Variants in TLE4 observed in about 807,000 individuals in gnomAD.
TLE4 encodes TLE family member 4, transcriptional corepressor.
Under a neutral mutation model 92.8 loss-of-function variants are expected in TLE4, and 8 were observed. The ratio of observed to expected loss-of-function variants is 0.09; its 90% confidence interval spans 0.05 to 0.16. The LOEUF is 0.16. TLE4 is among the 10% of genes least tolerant of loss of function. The pLI is 1.00. For synonymous variants in TLE4, 371 were observed against 374.1 expected (o/e 0.99, Z 0.10); for missense variants, 675 against 997.6 (o/e 0.68, Z 4.36).
chr9:79,710,802 C>T (rs1285057432), intron 14 of TLE4, among the ~76,000 whole-genome samples: 3 of 152,040 alleles, frequency 2.0e-5, no homozygotes, highest in Non-Finnish European at 4.4e-5. Flanking sequence ...CATTATCTGC[C>T]TCTCCCTCTT....
intron 6 of TLE4, among the ~76,000 whole-genome samples, chr9:79,644,440 T>G (rs2057751388): frequency 6.6e-6 from 1 of 152,188 alleles, no homozygotes; most frequent in African/African-American, 2.4e-5. Flanking sequence ...ATACAATTCT[T>G]CCAGCAACCT....
intron 6 of TLE4, chr9:79,627,661 A>G: frequency 1.7e-6 from 1 of 585,580 alleles, no homozygotes; most frequent in South Asian, 2.1e-5. Flanking sequence ...TGTGTTCATG[A>G]AAACTCTCCT....
chr9:79,619,512 T>G (rs2050442197), intron 5 of TLE4, among the ~76,000 whole-genome samples: 1 of 152,232 alleles, frequency 6.6e-6, no homozygotes, highest in South Asian at 2.1e-4. Flanking sequence ...CCAGGTTAAC[T>G]TGTCTTATTG....
intron 8 of TLE4, among the ~76,000 whole-genome samples, chr9:79,688,984 G>A (rs1252358098): frequency 1.3e-5 from 2 of 152,058 alleles, no homozygotes; most frequent in East Asian, 1.9e-4. Flanking sequence ...GACCTCTTCT[G>A]TAATGTGTTG....
chr9:79,703,138 C>T (rs2070441270), intron 8 of TLE4, among the ~76,000 whole-genome samples: 1 of 151,538 alleles, frequency 6.6e-6, no homozygotes, highest in Non-Finnish European at 1.5e-5. Context: ...GACCAGTTTT[C>T]TGAATTGATT....
intron 8 of TLE4, among the ~76,000 whole-genome samples, chr9:79,655,866 CTG>C (rs1287262790): frequency 5.9e-5 from 9 of 152,286 alleles, no homozygotes; most frequent in South Asian, 4.1e-4. Context: ...TCCCAGAAGA[CTG>C]TGAAAATATT....
At chr9:79,675,886 C>T (rs1199244634) in intron 8 of TLE4, among the ~76,000 whole-genome samples, 2 of 152,112 alleles carry the variant, frequency 1.3e-5, no homozygotes, top group Admixed American at 1.3e-4. Context: ...GCATTATACT[C>T]ACTGGTTGAG....
At chr9:79,722,196 T>C (rs1024336209) in intron 17 of TLE4, among the ~76,000 whole-genome samples, 9 of 152,128 alleles carry the variant, frequency 5.9e-5, no homozygotes, top group South Asian at 4.1e-4. Flanking sequence ...GATACGGTTT[T>C]ATGAAACATA....
intron 8 of TLE4, among the ~76,000 whole-genome samples, chr9:79,670,442 G>T (rs753868870): frequency 1.3e-5 from 2 of 152,160 alleles, no homozygotes; most frequent in African/African-American, 2.4e-5. Flanking sequence ...AGATGCAAGG[G>T]TAAGCATATT....
intron 8 of TLE4, among the ~76,000 whole-genome samples, chr9:79,656,592 C>T (rs991697994): frequency 3.9e-5 from 6 of 152,088 alleles, no homozygotes; most frequent in East Asian, 1.9e-4. Flanking sequence ...GCAGAAAATT[C>T]GGAATCTGCT....
chr9:79,601,221 A>G (rs548401418), intron 4 of TLE4, among the ~76,000 whole-genome samples: 3 of 152,334 alleles, frequency 2.0e-5, no homozygotes, highest in Non-Finnish European at 4.4e-5. Context: ...GTTGCACACT[A>G]TGATAATTTA....
chr9:79,640,874 T>G (rs2056994210), intron 6 of TLE4, among the ~76,000 whole-genome samples: 1 of 152,140 alleles, frequency 6.6e-6, no homozygotes, highest in South Asian at 2.1e-4. Flanking sequence ...TTAAGCTGGT[T>G]TACACACTCA....
chr9:79,708,902 G>C, intron 13 of TLE4, 116 bp downstream of exon 13: 1 of 1,241,396 alleles, frequency 8.1e-7, no homozygotes, highest in Non-Finnish European at 1.1e-6. Context: ...CATGATCTTG[G>C]CTCACTGCAG....
intron 8 of TLE4, among the ~76,000 whole-genome samples, chr9:79,654,561 A>G (rs538491671): frequency 1.3e-5 from 2 of 151,874 alleles, no homozygotes; most frequent in South Asian, 4.2e-4. Flanking sequence ...TTTTTCACCA[A>G]CTTTTCTTTC....
chr9:79,624,923 A>G (rs1273520539), intron 5 of TLE4, among the ~76,000 whole-genome samples: 8 of 152,020 alleles, frequency 5.3e-5, no homozygotes, highest in African/African-American at 1.4e-4. Context: ...ATGCGTGAGT[A>G]GAATGAATGA....
chr9:79,704,241 G>A (rs1245084282), intron 8 of TLE4, among the ~76,000 whole-genome samples: 1 of 152,174 alleles, frequency 6.6e-6, no homozygotes, highest in Non-Finnish European at 1.5e-5. Context: ...AGCCTCCTGA[G>A]TAGCTGGGAC....
At chr9:79,592,111 TTTCTTCTTTCTTCTTTC>T (rs1369275378) in intron 4 of TLE4, among the ~76,000 whole-genome samples, 56 of 137,312 alleles carry the variant, frequency 4.1e-4, no homozygotes, top group African/African-American at 1.3e-3. Context: ...CTTCTTCTTC[TTTCTTCTTTCTTCTTTC>T]TTCTTCTTTC....
Position 79,612,645 on chromosome 9 carries a change from A to G in TLE4, c.253-11A>G, listed in dbSNP as rs2048624429. ...TCTCTTTATTGCTTTCCTTTCCCTT[A>G]TTTTTTGCAGGCAGAGATTGTCAAG... On this transcript the variant is annotated splice_polypyrimidine_tract_variant and intron_variant, in intron 4 of 19. Transcript: ENST00000376552. 3.1e-6 allele frequency: 5 copies of G among 1,612,052 alleles called. No individual in the cohort carries two copies. Among genetic ancestry groups the G allele is most frequent in the Non-Finnish European group, 4.2e-6 (5 of 1,178,794 alleles).
At chr9:79,659,075 T>C (rs1318807477) in intron 8 of TLE4, among the ~76,000 whole-genome samples, 1 of 152,206 alleles carries the variant, frequency 6.6e-6, no homozygotes, top group African/African-American at 2.4e-5. Context: ...AGGTTAGATT[T>C]TGCTGGTGAA....
Sources: gnomAD v4.1 joint callset for allele counts (sites outside exome capture counted in the v4.1 genomes callset) on GRCh38, gnomAD v4.1.1 for gene constraint, MANE v1.5 for transcripts, NCBI Gene and HGNC (gene_info 2026-07-23, HGNC 2026-07-21) for gene names.